Variants in SYNPO2 observed in about 807,000 individuals in gnomAD.
SYNPO2 encodes the protein synaptopodin 2, also known as synaptopodin-2.
SYNPO2 carries 56 observed loss-of-function variants against 85.0 expected under a neutral mutation model. The observed-to-expected ratio is 0.66, with a 90% CI of 0.53 to 0.82. The LOEUF (loss-of-function observed/expected upper bound fraction) is 0.82, where lower values mean the gene tolerates loss of function less well. SYNPO2 is among the 40% of genes least tolerant of loss of function. The pLI is 0.00. For missense variants in SYNPO2, 1,575 were observed against 1,534.2 expected (o/e 1.03, Z -0.44); for synonymous variants, 602 against 591.1 (o/e 1.02, Z -0.27).
chr4:119,052,818 C>T (rs936450424), intron 4 of SYNPO2, among the ~76,000 whole-genome samples: 4 of 152,156 alleles, frequency 2.6e-5, no homozygotes, highest in Admixed American at 2.6e-4. Flanking sequence ...TAAAAGTAAG[C>T]AAAATGTCCC....
At chr4:118,865,655 T>C (rs1731687770) in intron 1 of SYNPO2, among the ~76,000 whole-genome samples, 2 of 152,088 alleles carry the variant, frequency 1.3e-5, no homozygotes, top group Admixed American at 1.3e-4. Context: ...TATAATCAAG[T>C]AGATGCAGTA....
chr4:118,900,731 A>ATGTC (rs1553936251), intron 1 of SYNPO2, among the ~76,000 whole-genome samples: 21 of 87,626 alleles, frequency 2.4e-4, no homozygotes, highest in African/African-American at 8.0e-4. Flanking sequence ...ATATATATAT[A>ATGTC]TGTCTGTCTG....
At chr4:118,938,967 A>G (rs1273054411) in intron 1 of SYNPO2, among the ~76,000 whole-genome samples, 2 of 152,130 alleles carry the variant, frequency 1.3e-5, no homozygotes, top group Non-Finnish European at 2.9e-5. Context: ...TGGTATTTCC[A>G]TGGAGGAGCT....
intron 1 of SYNPO2, among the ~76,000 whole-genome samples, chr4:118,981,120 T>A (rs1463134708): frequency 6.6e-6 from 1 of 152,228 alleles, no homozygotes; most frequent in Non-Finnish European, 1.5e-5. Flanking sequence ...GCATTTTCCA[T>A]GCAAAAATCT....
chr4:118,853,609 T>C lies in SYNPO2; in HGVS notation c.12+2669T>C, dbSNP rs539418112. ...CTGCAGAATAATTAATGCCTCCTGT[T>C]CAGGACAGTATGCAGAGTCATAACT... On this transcript the variant is annotated intron_variant, in intron 1 of 4. Transcript: ENST00000610556. Among the ~76,000 whole-genome samples, 4 of 140,214 alleles carry C rather than the reference T, an allele frequency of 2.9e-5. No homozygotes were observed. The East Asian group carries it at 8.4e-4, about 29-fold the overall frequency. The allele number at this position is 140,214 out of a possible 152,430, so 92.0% of individuals were successfully genotyped here. A position where few individuals can be genotyped will look rare whatever the true frequency, so the allele number is the denominator to read the frequency against.
intron 1 of SYNPO2, among the ~76,000 whole-genome samples, chr4:118,940,078 C>T (rs1196202711): frequency 3.3e-5 from 5 of 151,316 alleles, no homozygotes; most frequent in Non-Finnish European, 7.4e-5. Context: ...CTCCGCCTCC[C>T]GGGTTCAAGC....
At chr4:119,023,683 G>A (rs1737828844) in intron 2 of SYNPO2, 102 bp downstream of exon 2, 1 of 1,324,118 alleles carries the variant, frequency 7.6e-7, no homozygotes, top group African/African-American at 1.5e-5. Context: ...AGAAATTAGG[G>A]GTGCTTTGTA....
In SYNPO2 at chr4:119,007,556, A is replaced by C. The variant is rs142346227; in HGVS notation, c.106-15874A>C. Among the ~76,000 whole-genome samples the C allele has an allele frequency of 9.9e-5, 15 of 152,048 alleles. No homozygotes were observed. In the East Asian group the frequency reaches 2.9e-3, roughly 29 times the overall value. ...TGCTTATATGGCATAAATCAAACCT[A>C]TATTTCATAATACTCTGTTCATCAT... On this transcript the variant is annotated intron_variant, in intron 1 of 4. Transcript: ENST00000307142.
chr4:118,876,896 T>C (rs923385085), intron 1 of SYNPO2, among the ~76,000 whole-genome samples: 1 of 151,734 alleles, frequency 6.6e-6, no homozygotes, highest in Non-Finnish European at 1.5e-5. Flanking sequence ...CCTGAAGCAA[T>C]CCTTCAACCT....
At chr4:118,879,160 G>A (rs540427158) in intron 1 of SYNPO2, among the ~76,000 whole-genome samples, 1 of 152,288 alleles carries the variant, frequency 6.6e-6, no homozygotes, top group South Asian at 2.1e-4. Flanking sequence ...CTGAACATCT[G>A]AAGGAACAAA....
chr4:118,889,130 C>A lies in SYNPO2; in HGVS notation c.94C>A (p.Gln32Lys), dbSNP rs1732282144. 2.5e-6 allele frequency: 4 copies of A among 1,613,976 alleles called. No individual in the cohort carries two copies. The South Asian group carries it at 3.3e-5, about 13-fold the overall frequency. Reference protein sequence around the residue: ...QGGKEQKQPLQVAKIRNQSKA... With the variant: ...QGGKEQKQPLKVAKIRNQSKA... ...TGGCAAGGAGCAGAAGCAGCCCTTA[C>A]AAGTTGCAAAGGTAGGACCTGAACG... Residue 32 changes from glutamine to lysine, a missense_variant, in exon 1 of 5, where the codon CAA (glutamine) becomes AAA (lysine). Physicochemically the swap from Gln to Lys is moderately conservative, Grantham distance 53 (BLOSUM62 1). This residue lies in a region of SYNPO2 where 55 missense variants were observed against 55.5 expected (regional missense o/e 0.99). Transcript: ENST00000307142.
At chr4:118,855,786 A>G (rs983831639) in intron 1 of SYNPO2, among the ~76,000 whole-genome samples, 3 of 152,172 alleles carry the variant, frequency 2.0e-5, no homozygotes, top group Admixed American at 6.5e-5. Flanking sequence ...TTTACTGTCT[A>G]TTGATTATTT....
At chr4:118,869,019 TG>T (rs1275502217) in intron 1 of SYNPO2, among the ~76,000 whole-genome samples, 1 of 152,140 alleles carries the variant, frequency 6.6e-6, no homozygotes, top group Non-Finnish European at 1.5e-5. Context: ...TGACACATGG[TG>T]GGGCTGAATG....
At chr4:118,869,373 G>C (rs1731760648) in intron 1 of SYNPO2, among the ~76,000 whole-genome samples, 1 of 152,128 alleles carries the variant, frequency 6.6e-6, no homozygotes, top group Non-Finnish European at 1.5e-5. Flanking sequence ...TGTTAGAAGT[G>C]TAAGAATTAT....
chr4:118,928,423 A>T (rs1380193582), intron 1 of SYNPO2, among the ~76,000 whole-genome samples: 1 of 152,188 alleles, frequency 6.6e-6, no homozygotes. Flanking sequence ...GGAAGAAATA[A>T]ATTTAAAATA....
At chr4:118,908,672 CTCT>C (rs1362777914) in intron 1 of SYNPO2, among the ~76,000 whole-genome samples, 1 of 152,076 alleles carries the variant, frequency 6.6e-6, no homozygotes, top group African/African-American at 2.4e-5. Flanking sequence ...ATTCTGGTAT[CTCT>C]CTTTTGGGAG....
intron 1 of SYNPO2, among the ~76,000 whole-genome samples, chr4:118,958,962 A>C (rs976283840): frequency 1.3e-5 from 2 of 152,120 alleles, no homozygotes; most frequent in Non-Finnish European, 2.9e-5. Flanking sequence ...TGTTTCTCTA[A>C]GGTATCAATG....
At chr4:118,963,436 A>G (rs1008120944) in intron 1 of SYNPO2, among the ~76,000 whole-genome samples, 13 of 152,220 alleles carry the variant, frequency 8.5e-5, no homozygotes, top group Admixed American at 7.9e-4. Flanking sequence ...AATAATAAGG[A>G]AAGCTTATGA....
chr4:118,981,871 C>T (rs375070475), intron 1 of SYNPO2, among the ~76,000 whole-genome samples: 5 of 152,152 alleles, frequency 3.3e-5, no homozygotes, highest in African/African-American at 1.2e-4. Context: ...TATTATTTTT[C>T]CATTCAGGAG....
Sources: gnomAD v4.1 joint callset for allele counts (sites outside exome capture counted in the v4.1 genomes callset) on GRCh38, gnomAD v4.1.1 for gene constraint, gnomAD v4.1.1 regional missense constraint, MANE v1.5 for transcripts, NCBI Gene and HGNC (gene_info 2026-07-23, HGNC 2026-07-21) for gene names.